CCDC169: variants seen among roughly 807,000 people sequenced by gnomAD.
CCDC169 encodes coiled-coil domain containing 169.
CCDC169 carries 30 observed loss-of-function variants against 36.0 expected under a neutral mutation model. That is an observed-to-expected ratio of 0.83 (90% confidence interval 0.62 to 1.13). The LOEUF is 1.13. CCDC169 is among the 50% of genes most tolerant of loss of function. The pLI is 0.00. For missense variants in CCDC169, 245 were observed against 245.9 expected (o/e 1.00, Z 0.03); for synonymous variants, 85 against 81.5 (o/e 1.04, Z -0.23).
At chr13:36,255,283 A>G (rs1594031951) in intron 4 of CCDC169, among the ~76,000 whole-genome samples, 1 of 152,252 alleles carries the variant, frequency 6.6e-6, no homozygotes, top group Admixed American at 6.5e-5. Flanking sequence ...AGACCCCATC[A>G]TGCGTTCTCC....
rs577940630 is a variant in CCDC169, at chr13:36,256,588, G to C, written c.316-2445C>G. Among the ~76,000 whole-genome samples, 6 of 152,274 alleles carry C rather than the reference G, an allele frequency of 3.9e-5. No individual in the cohort carries two copies. In the East Asian group the frequency reaches 9.7e-4, roughly 25 times the overall value. Reference sequence around the variant, plus strand: ...AAGATGACATTTGGGTGGGAACACAGAGCCAAACCATATCACTCAGTCACG... The same window carrying C: ...AAGATGACATTTGGGTGGGAACACACAGCCAAACCATATCACTCAGTCACG... On this transcript the variant is annotated intron_variant, in intron 4 of 7. Transcript: ENST00000239859.
chr13:36,263,330 A>C (rs933525941), intron 4 of CCDC169, among the ~76,000 whole-genome samples: 1 of 152,228 alleles, frequency 6.6e-6, no homozygotes, highest in Non-Finnish European at 1.5e-5. Context: ...AAAATCTTCA[A>C]GTCAAATTCT....
intron 4 of CCDC169, among the ~76,000 whole-genome samples, chr13:36,270,732 A>C (rs1275706675): frequency 1.3e-4 from 20 of 152,188 alleles, no homozygotes; most frequent in Admixed American, 1.2e-3. Context: ...TAGAAGAATA[A>C]AACTGGATCC....
intron 4 of CCDC169, among the ~76,000 whole-genome samples, chr13:36,271,458 T>G (rs1876046565): frequency 6.6e-6 from 1 of 152,158 alleles, no homozygotes; most frequent in Admixed American, 6.5e-5. Context: ...CTTGCACACA[T>G]ATGTTTATAG....
At chr13:36,263,282 C>T (rs2138523307) in intron 4 of CCDC169, among the ~76,000 whole-genome samples, 1 of 152,306 alleles carries the variant, frequency 6.6e-6, no homozygotes, top group Non-Finnish European at 1.5e-5. Flanking sequence ...TTTTCAGTAA[C>T]TCCAATTAGT....
intron 4 of CCDC169, among the ~76,000 whole-genome samples, chr13:36,275,730 G>C (rs1876717940): frequency 6.6e-6 from 1 of 152,132 alleles, no homozygotes; most frequent in South Asian, 2.1e-4. Context: ...TGAGGTAATG[G>C]GTCCCAGGAA....
chr13:36,286,574 C>T (rs1324837668), intron 2 of CCDC169, among the ~76,000 whole-genome samples: 3 of 152,104 alleles, frequency 2.0e-5, no homozygotes, highest in Non-Finnish European at 4.4e-5. Context: ...CCTGTTTGTC[C>T]GTGTGTGAGA....
chr13:36,237,073 TA>T (rs1871175149), intron 7 of CCDC169, among the ~76,000 whole-genome samples: 1 of 55,196 alleles, frequency 1.8e-5, no homozygotes. Context: ...ATTATTGTAT[TA>T]TTATTATTAT....
chr13:36,291,998 T>TC (rs1481111443), intron 2 of CCDC169, among the ~76,000 whole-genome samples: 1 of 151,698 alleles, frequency 6.6e-6, no homozygotes, highest in African/African-American at 2.4e-5. Context: ...TCTTTTTTTT[T>TC]TTTTTTTTGG....
chr13:36,292,746 T>C (rs866954084), intron 2 of CCDC169, among the ~76,000 whole-genome samples: 19 of 152,282 alleles, frequency 1.2e-4, no homozygotes, highest in Admixed American at 9.2e-4. Context: ...AAGCCTGTCA[T>C]TTGTTGTTTA....
At chr13:36,257,017 G>T (rs1235790520) in intron 4 of CCDC169, among the ~76,000 whole-genome samples, 2 of 152,174 alleles carry the variant, frequency 1.3e-5, no homozygotes, top group African/African-American at 4.8e-5. Flanking sequence ...GCTTCCATTT[G>T]CTAGTGGCCT....
chr13:36,242,208 ATG>A (rs1370802274), intron 7 of CCDC169, among the ~76,000 whole-genome samples: 1 of 152,230 alleles, frequency 6.6e-6, no homozygotes, highest in Non-Finnish European at 1.5e-5. Context: ...GGTTATATAA[ATG>A]TATACTCCTA....
chr13:36,230,891 C>T lies in CCDC169; in HGVS notation c.*302G>A, dbSNP rs780323619. ...GTCAACTAGAAACCAAATAGAATAG[C>T]AACGTTACTATCAGAGCAGATCATG... On this transcript the variant is annotated 3_prime_UTR_variant, in exon 8 of 8. Transcript: ENST00000239859. The T allele has an allele frequency of 9.7e-6, 10 of 1,032,344 alleles. No homozygotes were observed. Among genetic ancestry groups the T allele is most frequent in the Non-Finnish European group, 1.2e-5 (10 of 861,468 alleles). The allele number at this position is 1,032,344 out of a possible 1,614,324, so 63.9% of individuals were successfully genotyped here.
At chr13:36,285,584 AAGATAGATAGATAGAT>A (rs367836854) in intron 2 of CCDC169, among the ~76,000 whole-genome samples, 20 of 138,150 alleles carry the variant, frequency 1.4e-4, no homozygotes, top group African/African-American at 4.7e-4. Context: ...AAAATAAAAT[AAGATAGATAGATAGAT>A]AGATAGATAG....
At chr13:36,256,331 A>G (rs1039397080) in intron 4 of CCDC169, among the ~76,000 whole-genome samples, 3 of 152,178 alleles carry the variant, frequency 2.0e-5, no homozygotes, top group African/African-American at 7.2e-5. Context: ...TAACTGACTC[A>G]TGGTTCTGCA....
At chr13:36,243,862 G>T (rs1331456747) in intron 7 of CCDC169, among the ~76,000 whole-genome samples, 1 of 152,072 alleles carries the variant, frequency 6.6e-6, no homozygotes, top group East Asian at 1.9e-4. Context: ...CTATTTCAGA[G>T]TCTACTCCCT....
chr13:36,263,135 A>G (rs1316076609), intron 4 of CCDC169, among the ~76,000 whole-genome samples: 1 of 152,132 alleles, frequency 6.6e-6, no homozygotes, highest in Non-Finnish European at 1.5e-5. Context: ...AGGAATTTCA[A>G]GGCTATAGTA....
downstream of CCDC169, chr13:36,227,035 G>T: frequency 2.3e-6 from 1 of 435,402 alleles, no homozygotes. Flanking sequence ...GGTGAAGTCA[G>T]CTCGAGGAGA....
At chr13:36,278,906 C>T (rs1416093589) in intron 4 of CCDC169, among the ~76,000 whole-genome samples, 1 of 152,122 alleles carries the variant, frequency 6.6e-6, no homozygotes, top group Non-Finnish European at 1.5e-5. Flanking sequence ...CTAAACTTAC[C>T]ATTTCCTAAC....
Sources: allele counts gnomAD v4.1 joint callset (sites outside exome capture counted in the v4.1 genomes callset), GRCh38; gene constraint gnomAD v4.1.1; transcripts MANE v1.5; gene names NCBI Gene and HGNC (gene_info 2026-07-23, HGNC 2026-07-21).